TBC1D19: variants seen among roughly 807,000 people sequenced by gnomAD.
TBC1D19 encodes TBC1 domain family, member 19.
Under a neutral mutation model 89.0 loss-of-function variants are expected in TBC1D19, and 60 were observed. The observed-to-expected ratio is 0.67, with a 90% CI of 0.55 to 0.84. The LOEUF (loss-of-function observed/expected upper bound fraction) is 0.84, where lower values mean the gene tolerates loss of function less well. Ranked by LOEUF, TBC1D19 falls within the 40% of genes least tolerant of loss-of-function variation. The probability of loss-of-function intolerance (pLI) is 0.00; values close to 1 mark genes in which losing one functional copy is unlikely to be tolerated. For missense variants in TBC1D19, 500 were observed against 610.8 expected (o/e 0.82, Z 1.91); for synonymous variants, 189 against 199.7 (o/e 0.95, Z 0.45).
At chr4:26,717,083 A>G (rs997428683) in intron 13 of TBC1D19, among the ~76,000 whole-genome samples, 5 of 151,998 alleles carry the variant, frequency 3.3e-5, no homozygotes, top group African/African-American at 1.2e-4. Flanking sequence ...TCCATTACCT[A>G]TCCTTTTTTC....
the TBC1D19 span, among the ~76,000 whole-genome samples, chr4:26,843,631 C>CTTGGTTAAAAA: frequency 2.6e-5 from 4 of 151,912 alleles, no homozygotes; most frequent in South Asian, 8.4e-4. Flanking sequence ...AAAACAGAAT[C>CTTGGTTAAAAA]ATATAATCTT....
intron 1 of TBC1D19, among the ~76,000 whole-genome samples, chr4:26,608,191 T>C (rs1741128017): frequency 6.6e-6 from 1 of 152,220 alleles, no homozygotes; most frequent in South Asian, 2.1e-4. Flanking sequence ...ATCATTTTAA[T>C]TTGGGAGTGT....
rs1439116184 is a variant in TBC1D19, at chr4:26,749,216, C to A, written c.1435+690C>A. On this transcript the variant is annotated intron_variant, in intron 19 of 20. Transcript: ENST00000264866. ...TCTTATTAATTATATTATTTTGCTT[C>A]TCTTGTGCACAATAGACTCAATTAC... Among the ~76,000 whole-genome samples the A allele has an allele frequency of 3.3e-5, 5 of 152,196 alleles. No homozygotes were observed. The East Asian group carries it at 9.6e-4, about 29-fold the overall frequency.
intron 2 of TBC1D19, 22 bp from the exon 3 acceptor site, chr4:26,614,381 ATATTT>A (rs761165688): frequency 4.5e-5 from 66 of 1,472,248 alleles, no homozygotes; most frequent in Non-Finnish European, 6.2e-5. Context: ...GTATGTTCAT[ATATTT>A]TATTCTTTTT....
At chr4:26,713,743 G>C (rs1577974107) in intron 13 of TBC1D19, among the ~76,000 whole-genome samples, 1 of 152,014 alleles carries the variant, frequency 6.6e-6, no homozygotes, top group East Asian at 1.9e-4. Context: ...TATTGGGCTT[G>C]TTCACACAGC....
chr4:26,788,758 C>T, the TBC1D19 span, among the ~76,000 whole-genome samples: 1 of 152,172 alleles, frequency 6.6e-6, no homozygotes, highest in African/African-American at 2.4e-5. Flanking sequence ...TAGCCTACTC[C>T]CACCCCATGA....
At chr4:26,674,342 A>G (rs1429615357) in intron 11 of TBC1D19, among the ~76,000 whole-genome samples, 3 of 152,140 alleles carry the variant, frequency 2.0e-5, no homozygotes, top group Non-Finnish European at 2.9e-5. Context: ...TTATTTTTCT[A>G]TATGTAAGAA....
upstream of TBC1D19, among the ~76,000 whole-genome samples, chr4:26,581,336 G>A (rs146785415): frequency 4.5e-4 from 69 of 152,184 alleles, no homozygotes; most frequent in Middle Eastern, 0.01. Context: ...TTTAAGCCCC[G>A]CATGCATTAG....
chr4:26,701,286 C>A (rs960145252), intron 13 of TBC1D19, among the ~76,000 whole-genome samples: 3 of 150,386 alleles, frequency 2.0e-5, no homozygotes, highest in Non-Finnish European at 4.4e-5. Context: ...TACTCAGATA[C>A]ACCTTCCCTG....
the TBC1D19 span, among the ~76,000 whole-genome samples, chr4:26,809,719 C>T: frequency 4.1e-4 from 62 of 152,278 alleles, no homozygotes; most frequent in Non-Finnish European, 3.5e-4. Flanking sequence ...CACACCTGAG[C>T]GGTGAGAAGG....
intron 8 of TBC1D19, 82 bp downstream of exon 8, chr4:26,659,789 A>T (rs1364951126): frequency 1.3e-5 from 10 of 778,136 alleles, no homozygotes; most frequent in Non-Finnish European, 1.4e-5. Context: ...TATGTAAAGC[A>T]ATAGGGTAAT....
the TBC1D19 span, among the ~76,000 whole-genome samples, chr4:26,782,468 G>A: frequency 6.6e-6 from 1 of 152,148 alleles, no homozygotes; most frequent in East Asian, 1.9e-4. Flanking sequence ...GGAACCAAAT[G>A]GAAAGGGCAG....
At chr4:26,773,800 T>A in the TBC1D19 span, among the ~76,000 whole-genome samples, 4 of 152,160 alleles carry the variant, frequency 2.6e-5, no homozygotes, top group Non-Finnish European at 5.9e-5. Flanking sequence ...ATTTCTGAGT[T>A]CTCTGTTCTG....
chr4:26,640,066 G>T, intron 6 of TBC1D19, 75 bp from the exon 7 acceptor site: 1 of 1,037,760 alleles, frequency 9.6e-7, no homozygotes, highest in South Asian at 1.4e-5. Context: ...ACATGTGAAA[G>T]AATGATTAAC....
the TBC1D19 span, among the ~76,000 whole-genome samples, chr4:26,828,334 C>T: frequency 6.6e-6 from 1 of 152,200 alleles, no homozygotes; most frequent in African/African-American, 2.4e-5. Context: ...AAAGGAGGCT[C>T]TTCTGGTAGC....
chr4:26,804,630 G>C, the TBC1D19 span, among the ~76,000 whole-genome samples: 2 of 152,138 alleles, frequency 1.3e-5, no homozygotes, highest in Non-Finnish European at 2.9e-5. Flanking sequence ...ACCCCACCGG[G>C]CGCAGCCCAG....
intron 9 of TBC1D19, among the ~76,000 whole-genome samples, chr4:26,670,355 T>G (rs1712189188): frequency 6.6e-6 from 1 of 151,490 alleles, no homozygotes; most frequent in Admixed American, 6.6e-5. Context: ...AATAAGGCAT[T>G]CTGGCTCAAA....
At chr4:26,676,971 C>T (rs1019995955) in intron 11 of TBC1D19, among the ~76,000 whole-genome samples, 31 of 152,074 alleles carry the variant, frequency 2.0e-4, no homozygotes, top group African/African-American at 7.0e-4. Context: ...TATATGCCTT[C>T]TTCTCAGATC....
intron 3 of TBC1D19, among the ~76,000 whole-genome samples, chr4:26,619,097 T>C (rs541907822): frequency 2.0e-5 from 3 of 152,344 alleles, no homozygotes; most frequent in African/African-American, 7.2e-5. Context: ...TTAATATGAA[T>C]GACTTTCAAG....
Sources: gnomAD v4.1 joint callset for allele counts (sites outside exome capture counted in the v4.1 genomes callset) on GRCh38, gnomAD v4.1.1 for gene constraint, MANE v1.5 for transcripts, NCBI Gene and HGNC (gene_info 2026-07-23, HGNC 2026-07-21) for gene names.